Variants in KMO observed in about 807,000 individuals in gnomAD.
KMO encodes kynurenine 3-monooxygenase, also known as kynurenine 3-hydroxylase.
In KMO, 24 loss-of-function variants were observed where a neutral mutation model predicts 57.8. The observed-to-expected ratio is 0.42, with a 90% confidence interval of 0.30 to 0.58. The LOEUF is 0.58. Ranked by LOEUF, KMO falls within the 20% of genes least tolerant of loss-of-function variation. KMO has a pLI of 0.22. For missense variants in KMO, 483 were observed against 588.2 expected (o/e 0.82, Z 1.85); for synonymous variants, 210 against 193.6 (o/e 1.08, Z -0.70).
chr1:241,564,652 T>C (rs1662007278), intron 7 of KMO, among the ~76,000 whole-genome samples: 1 of 152,122 alleles, frequency 6.6e-6, no homozygotes. Context: ...CATGTGTGTG[T>C]ACATATATAC....
chr1:241,535,479 G>GTTA lies in KMO; in HGVS notation c.54+2984_54+2986dup, dbSNP rs1196887796. ...GCCTAATGAAAAGTCACCCTGAGAA[G>GTTA]TTATTCTTGCTCTGATGTAGTGATC... is the stretch of plus-strand genomic sequence containing the variant. On this transcript the variant is annotated intron_variant, in intron 1 of 14. Transcript: ENST00000366559. Among the ~76,000 whole-genome samples the GTTA allele has an allele frequency of 3.3e-5, 5 of 152,132 alleles. No homozygotes were observed. In the South Asian group the frequency reaches 8.3e-4, roughly 25 times the overall value.
chr1:241,540,202 T>C (rs943751958), intron 1 of KMO, among the ~76,000 whole-genome samples: 4 of 152,190 alleles, frequency 2.6e-5, no homozygotes, highest in African/African-American at 7.2e-5. Flanking sequence ...CATTTACCTG[T>C]ATTTTCTAAT....
At chr1:241,539,185 C>T (rs1660862478) in intron 1 of KMO, among the ~76,000 whole-genome samples, 1 of 152,058 alleles carries the variant, frequency 6.6e-6, no homozygotes, top group African/African-American at 2.4e-5. Context: ...GAGTTCGAGA[C>T]CAGTCTGGGT....
Position 241,594,771 on chromosome 1 carries a change from A to G in KMO, c.*2618A>G. On this transcript the variant is annotated 3_prime_UTR_variant, in exon 15 of 15. Transcript: ENST00000366559. ...GATTAACATTCGAGGAAATCAGTTG[A>G]GCTGAATTTAAGTTGTTTTTTGTTT... The G allele has an allele frequency of 6.6e-7, 1 of 1,513,564 alleles. No homozygotes were observed. 93.8% of individuals were successfully genotyped at this position (1,513,564 alleles called of 1,614,324 possible).
intron 7 of KMO, 30 bp downstream of exon 7, chr1:241,562,362 C>G: frequency 1.2e-6 from 2 of 1,610,184 alleles, no homozygotes; most frequent in Non-Finnish European, 1.7e-6. Context: ...CAACCCCTTC[C>G]CACAACCCTT....
chr1:241,567,979 A>G (rs1426351048), intron 9 of KMO, among the ~76,000 whole-genome samples: 1 of 152,164 alleles, frequency 6.6e-6, no homozygotes, highest in Non-Finnish European at 1.5e-5. Context: ...TGTACAATAA[A>G]TCTCTTGAAT....
chr1:241,579,855 T>C (rs1662681172), intron 10 of KMO, among the ~76,000 whole-genome samples: 1 of 152,188 alleles, frequency 6.6e-6, no homozygotes, highest in Non-Finnish European at 1.5e-5. Context: ...AACCTGTGAC[T>C]GCTGCCTGAG....
chr1:241,589,940 A>G (rs987379048), intron 12 of KMO, 72 bp from the exon 13 acceptor site: 26 of 1,177,292 alleles, frequency 2.2e-5, no homozygotes, highest in Admixed American at 1.0e-4. Context: ...GGGAATGAAG[A>G]ATAATACTAA....
intron 10 of KMO, among the ~76,000 whole-genome samples, chr1:241,578,969 C>A (rs1662646668): frequency 6.6e-6 from 1 of 152,064 alleles, no homozygotes; most frequent in Admixed American, 6.5e-5. Flanking sequence ...GAGACTTATT[C>A]ACTACCACGA....
intron 1 of KMO, among the ~76,000 whole-genome samples, chr1:241,541,918 C>A (rs1322084962): frequency 6.6e-6 from 1 of 152,128 alleles, no homozygotes; most frequent in Non-Finnish European, 1.5e-5. Context: ...CAGAAACATT[C>A]ATGATTCTTA....
intron 1 of KMO, among the ~76,000 whole-genome samples, chr1:241,548,542 T>A (rs940061963): frequency 6.6e-6 from 1 of 151,838 alleles, no homozygotes; most frequent in African/African-American, 2.4e-5. Context: ...GATATATATG[T>A]TTTATGTTCT....
intron 11 of KMO, among the ~76,000 whole-genome samples, chr1:241,588,443 A>G (rs113929625): frequency 6.1e-5 from 9 of 146,686 alleles, no homozygotes; most frequent in Non-Finnish European, 3.0e-5. Context: ...TGGTTTACAC[A>G]TGACGTTGGA....
intron 1 of KMO, among the ~76,000 whole-genome samples, chr1:241,535,986 C>T (rs1451138784): frequency 6.6e-6 from 1 of 152,194 alleles, no homozygotes; most frequent in African/African-American, 2.4e-5. Flanking sequence ...TTGGCTCCTG[C>T]TACCTTTATA....
chr1:241,568,654 T>G lies in KMO; in HGVS notation c.957+7T>G, dbSNP rs1553349044. 1 of 1,612,688 alleles carries G rather than the reference T, an allele frequency of 6.2e-7. No individual in the cohort carries two copies. Among genetic ancestry groups the G allele is most frequent in the Non-Finnish European group, 8.5e-7 (1 of 1,179,184 alleles). On this transcript the variant is annotated splice_region_variant and intron_variant, in intron 10 of 14. Transcript: ENST00000366559. ...TGGGCAAGGAATGAATGCGGTAAGT[T>G]CTTTTTCCCTAGGTAAGTCCCTCAA... is the stretch of plus-strand genomic sequence containing the variant.
At chr1:241,540,348 A>G (rs1416172882) in intron 1 of KMO, among the ~76,000 whole-genome samples, 1 of 152,148 alleles carries the variant, frequency 6.6e-6, no homozygotes, top group African/African-American at 2.4e-5. Flanking sequence ...TACTTGAGAC[A>G]TTAAAACACA....
At position 241,534,831 on chromosome 1, in the gene KMO, A is replaced by G. The variant is rs926068785; in HGVS notation, c.54+2333A>G. Among the ~76,000 whole-genome samples the G allele has an allele frequency of 7.1e-4, 108 of 152,196 alleles. 2 individuals carry two copies. Among genetic ancestry groups the G allele is most frequent in the Non-Finnish European group, 2.2e-4 (15 of 68,022 alleles). Reference sequence around the variant, plus strand: ...GCTTAAAATCTTCCAATGATCTCCCATTACAAATAAAATAAAACCCAAACT... The same window carrying G: ...GCTTAAAATCTTCCAATGATCTCCCGTTACAAATAAAATAAAACCCAAACT... On this transcript the variant is annotated intron_variant, in intron 1 of 14. Transcript: ENST00000366559.
chr1:241,542,545 G>A (rs963521015), intron 1 of KMO, among the ~76,000 whole-genome samples: 4 of 152,220 alleles, frequency 2.6e-5, no homozygotes, highest in African/African-American at 9.6e-5. Flanking sequence ...TATCGTGAAC[G>A]TTTGGTGCTT....
At chr1:241,545,452 G>A (rs1390651934) in intron 1 of KMO, among the ~76,000 whole-genome samples, 3 of 152,106 alleles carry the variant, frequency 2.0e-5, no homozygotes, top group Non-Finnish European at 4.4e-5. Context: ...GAGCTGTGAG[G>A]GAAAGATCTG....
At chr1:241,551,226 C>A (rs567862119) in intron 4 of KMO, among the ~76,000 whole-genome samples, 182 bp downstream of exon 4, 1 of 152,174 alleles carries the variant, frequency 6.6e-6, no homozygotes, top group Non-Finnish European at 1.5e-5. Flanking sequence ...CAAAACAAGC[C>A]CCAGCCCAGA....
Sources: allele counts gnomAD v4.1 joint callset (sites outside exome capture counted in the v4.1 genomes callset), GRCh38; gene constraint gnomAD v4.1.1; transcripts MANE v1.5; gene names NCBI Gene and HGNC (gene_info 2026-07-23, HGNC 2026-07-21).